Variants in FAM228B observed in about 807,000 individuals in gnomAD.
FAM228B encodes the protein family with sequence similarity 228 member B, also known as protein FAM228B.
In FAM228B, 38 loss-of-function variants were observed where a neutral mutation model predicts 42.6. The ratio of observed to expected loss-of-function variants is 0.89; its 90% CI spans 0.69 to 1.17. The LOEUF is 1.17. FAM228B is among the 50% of genes most tolerant of loss of function. FAM228B has a pLI of 0.00. For synonymous variants in FAM228B, 109 were observed against 122.3 expected (o/e 0.89, Z 0.72); for missense variants, 344 against 367.3 (o/e 0.94, Z 0.52).
At chr2:24,155,715 A>C (rs919498501) in intron 7 of FAM228B, among the ~76,000 whole-genome samples, 1 of 150,930 alleles carries the variant, frequency 6.6e-6, no homozygotes, top group Non-Finnish European at 1.5e-5. Context: ...TAATTTTTGT[A>C]TTTTTGTTAG....
At chr2:24,143,044 A>G (rs1043080993) in intron 5 of FAM228B, among the ~76,000 whole-genome samples, 9 of 152,254 alleles carry the variant, frequency 5.9e-5, no homozygotes, top group African/African-American at 1.9e-4. Flanking sequence ...ATATGGTTTC[A>G]GATTCCACAT....
intron 2 of FAM228B, among the ~76,000 whole-genome samples, chr2:24,134,448 T>C (rs2151017506): frequency 6.6e-6 from 1 of 152,366 alleles, no homozygotes; most frequent in African/African-American, 2.4e-5. Context: ...TAGTATGTCT[T>C]GCATAGTCAA....
In FAM228B at chr2:24,146,809, A is replaced by G; in HGVS notation, c.503A>G (p.Lys168Arg). Residue 168 changes from lysine (K) to arginine (R), a missense_variant, in exon 6 of 11, where the codon AAA becomes AGA. By Grantham distance (26) the Lys-to-Arg change is conservative. Coordinates refer to ENST00000615575, the MANE Select transcript of FAM228B (RefSeq NM_001145710.2). Reference sequence around the variant, plus strand: ...GCACAATATGACAAGGATAACGAAAAAAGAACTCTTCTTCAGTGTGAGACT... The same window carrying G: ...GCACAATATGACAAGGATAACGAAAGAAGAACTCTTCTTCAGTGTGAGACT... ...KKAQYDKDNE[K>R]RTLLQCETGK... 6.5e-7 allele frequency: 1 copy of G among 1,549,844 alleles called. No homozygotes were observed. Among genetic ancestry groups the G allele is most frequent in the East Asian group, 2.4e-5 (1 of 40,868 alleles).
intron 8 of FAM228B, among the ~76,000 whole-genome samples, chr2:24,163,565 C>G (rs1425659862): frequency 6.6e-6 from 1 of 152,098 alleles, no homozygotes; most frequent in Non-Finnish European, 1.5e-5. Flanking sequence ...TATTAGGGTC[C>G]AAAGGAGTAA....
chr2:24,156,405 G>A (rs960129796), intron 7 of FAM228B, among the ~76,000 whole-genome samples: 1 of 152,090 alleles, frequency 6.6e-6, no homozygotes, highest in Non-Finnish European at 1.5e-5. Context: ...GGCTGAAGCA[G>A]GTAGATCACC....
In FAM228B at chr2:24,084,417, AGG is replaced by A. The variant is rs1558363410; in HGVS notation, c.-210+3465_-210+3466del. On this transcript the variant is annotated intron_variant, in intron 2 of 10. Coordinates refer to the FAM228B transcript ENST00000613899. This position sits in a 1 kb window ranked among gnomAD's most constrained non-coding sequence, Gnocchi z 8.4. ...AGGGCAGGGCAGGACAGGACAGGGC[AGG>A]GGCCGCTGTATCCTCGCGGAGCAGC... 5.3e-5 allele frequency: 75 copies of A among 1,420,488 alleles called. No homozygotes were observed. Among genetic ancestry groups the A allele is most frequent in the Admixed American group, 1.4e-4 (6 of 41,406 alleles). 88.0% of individuals were successfully genotyped at this position (1,420,488 alleles called of 1,614,324 possible). A position where few individuals can be genotyped will look rare whatever the true frequency, so the allele number is the denominator to read the frequency against.
At chr2:24,115,319 G>C (rs1376203233) in intron 3 of FAM228B, 1 of 441,732 alleles carries the variant, frequency 2.3e-6, no homozygotes, top group African/African-American at 2.0e-5. Flanking sequence ...CTCACAGAAA[G>C]GAGCCTCCCA....
chr2:24,115,642 A>G (rs1367455481), intron 3 of FAM228B: 4 of 1,604,842 alleles, frequency 2.5e-6, no homozygotes, highest in East Asian at 2.2e-5. Context: ...GTTATTATTT[A>G]TGAGCTGCAA....
At chr2:24,137,322 G>A (rs1261634813) in intron 3 of FAM228B, among the ~76,000 whole-genome samples, 2 of 152,058 alleles carry the variant, frequency 1.3e-5, no homozygotes, top group Non-Finnish European at 2.9e-5. Context: ...TGGGTCTTAT[G>A]GTAGGTCTGT....
At chr2:24,116,876 CA>C (rs764310244) in intron 3 of FAM228B, among the ~76,000 whole-genome samples, 162 of 113,372 alleles carry the variant, frequency 1.4e-3, no homozygotes, top group Admixed American at 1.4e-3. Flanking sequence ...AACTGTGTCT[CA>C]AAAAAAAAAA....
At chr2:24,102,695 G>A (rs1462440424) in intron 3 of FAM228B, among the ~76,000 whole-genome samples, 1 of 152,210 alleles carries the variant, frequency 6.6e-6, no homozygotes, top group Non-Finnish European at 1.5e-5. Context: ...CTGAGATCAT[G>A]CCATTGCACT....
intron 7 of FAM228B, among the ~76,000 whole-genome samples, chr2:24,160,326 G>GAA: frequency 6.6e-6 from 1 of 152,004 alleles, no homozygotes; most frequent in East Asian, 1.9e-4. Context: ...TATATGTTGT[G>GAA]CTTCCTGGAT....
Position 24,084,242 on chromosome 2 carries a change from C to T in FAM228B, c.-210+3287C>T, listed in dbSNP as rs1284158197. ...CTGGCCGCCACCTTCAGGAGGACTT[C>T]ACCCTCCCCCGGGCTCGGCTTGGCC... On this transcript the variant is annotated intron_variant, in intron 2 of 10. Transcript: ENST00000613899. The surrounding 1 kb of genome is among the most constrained non-coding windows in gnomAD (Gnocchi z 8.4). 3 of 1,614,092 alleles carry T rather than the reference C, an allele frequency of 1.9e-6. No homozygotes were observed. Among genetic ancestry groups the T allele is most frequent in the East Asian group, 2.2e-5 (1 of 44,876 alleles).
rs1453484641 is a variant in FAM228B at position 24,169,028 on chromosome 2, A to G, written c.*15-328A>G. On this transcript the variant is annotated intron_variant, in intron 10 of 10. Transcript: ENST00000615575. The surrounding 1 kb of genome is among the most constrained non-coding windows in gnomAD (Gnocchi z 4.2). ...AACCTAGTATTTTCTAAATCACAACAATCCAAGTGGAAATTAGTACTCCAA... is the reference window on the plus strand; with the variant it reads ...AACCTAGTATTTTCTAAATCACAACGATCCAAGTGGAAATTAGTACTCCAA... 6.6e-6 allele frequency among the ~76,000 whole-genome samples: 1 copy of G among 152,234 alleles called. No homozygotes were observed. The highest frequency in any genetic ancestry group is 1.5e-5 in the Non-Finnish European group (1 of 68,046).
upstream of FAM228B, chr2:24,119,710 T>C (rs1666036093): frequency 6.4e-7 from 1 of 1,559,076 alleles, no homozygotes; most frequent in Non-Finnish European, 8.8e-7. Flanking sequence ...GAGAATATTC[T>C]GCTCTTGGTT....
At chr2:24,154,300 C>T (rs986516618) in intron 7 of FAM228B, among the ~76,000 whole-genome samples, 1 of 152,222 alleles carries the variant, frequency 6.6e-6, no homozygotes, top group Admixed American at 6.5e-5. Flanking sequence ...CCTCCAGCAT[C>T]TTTTCATATG....
At position 24,135,183 on chromosome 2, in the gene FAM228B, T is replaced by A; in HGVS notation, c.164T>A (p.Ile55Asn). The A allele has an allele frequency of 3.4e-6, 5 of 1,483,470 alleles. No homozygotes were observed. The highest frequency in any genetic ancestry group is 1.4e-5 in the African/African-American group (1 of 71,188). 91.9% of individuals were successfully genotyped at this position (1,483,470 alleles called of 1,614,324 possible). The change falls in exon 3 of 11, where the codon ATT becomes AAT. Residue 55 changes from isoleucine (I) to asparagine (N), a missense_variant. Coordinates refer to ENST00000615575, the MANE Select transcript of FAM228B (RefSeq NM_001145710.2). ...ATATTATACAAAGAAAATTCTGTAA[T>A]TAAGGTAAGAATTGGCTACAAAATG... Reference protein sequence around the residue: ...QSILYKENSVIKELDKYLQHH... With the variant: ...QSILYKENSVNKELDKYLQHH...
upstream of FAM228B, among the ~76,000 whole-genome samples, chr2:24,118,664 T>C (rs1156782697): frequency 6.6e-6 from 1 of 152,234 alleles, no homozygotes; most frequent in Admixed American, 6.5e-5. Flanking sequence ...ATTAGGAATT[T>C]GCAGAATAGA....
chr2:24,122,549 T>C (rs1357965338), upstream of FAM228B: 13 of 1,573,018 alleles, frequency 8.3e-6, no homozygotes, highest in Non-Finnish European at 1.1e-5. Context: ...CCCTCAACTC[T>C]GAAAGGGAAA....
Sources: gnomAD v4.1 joint callset for allele counts (sites outside exome capture counted in the v4.1 genomes callset) on GRCh38, gnomAD v4.1.1 for gene constraint, Gnocchi (gnomAD v3.1) non-coding constraint, MANE v1.5 for transcripts, NCBI Gene and HGNC (gene_info 2026-07-23, HGNC 2026-07-21) for gene names.